SCD5: variants seen among roughly 807,000 people sequenced by gnomAD.
The protein encoded by SCD5 is acyl-CoA-desaturase 4.
In SCD5, 20 loss-of-function variants were observed where a neutral mutation model predicts 30.4. The observed-to-expected ratio is 0.66, with a 90% CI of 0.46 to 0.96. The LOEUF (loss-of-function observed/expected upper bound fraction) is 0.96, where lower values mean the gene tolerates loss of function less well. SCD5 is among the 40% of genes least tolerant of loss of function. The probability of loss-of-function intolerance (pLI) is 0.00; values close to 1 mark genes in which losing one functional copy is unlikely to be tolerated. For missense variants in SCD5, 381 were observed against 443.3 expected (o/e 0.86, Z 1.26); for synonymous variants, 173 against 176.4 (o/e 0.98, Z 0.16).
intron 1 of SCD5, among the ~76,000 whole-genome samples, chr4:82,726,417 C>CAAAA (rs398051208): frequency 3.3e-4 from 36 of 108,780 alleles, no homozygotes; most frequent in African/African-American, 1.0e-3. Context: ...AACTCTGTCT[C>CAAAA]AAAAAAAAAA....
At chr4:82,636,133 A>C (rs1269517431) in intron 4 of SCD5, among the ~76,000 whole-genome samples, 2 of 152,170 alleles carry the variant, frequency 1.3e-5, no homozygotes, top group Admixed American at 6.5e-5. Context: ...ACAGATAGGA[A>C]AACTGTAAAT....
intron 1 of SCD5, among the ~76,000 whole-genome samples, chr4:82,721,665 C>G (rs60096152): frequency 0.023 from 3,464 of 152,212 alleles, 134 homozygotes; most frequent in African/African-American, 0.079. Flanking sequence ...CATCTATAAG[C>G]GAAGGAGAGA....
intron 2 of SCD5, 80 bp downstream of exon 2, chr4:82,705,203 G>T: frequency 6.5e-7 from 1 of 1,547,636 alleles, no homozygotes; most frequent in Non-Finnish European, 8.8e-7. Flanking sequence ...GGGTGGAGGG[G>T]TGTCAGCCCA....
intron 1 of SCD5, among the ~76,000 whole-genome samples, chr4:82,798,086 C>G (rs868809626): frequency 0.013 from 1,653 of 123,016 alleles, 37 homozygotes; most frequent in African/African-American, 0.046. Context: ...GGGGTGGGGG[C>G]GGGGGGGGGG....
intron 1 of SCD5, among the ~76,000 whole-genome samples, chr4:82,796,068 A>G (rs572217803): frequency 6.6e-5 from 10 of 152,052 alleles, no homozygotes; most frequent in East Asian, 3.9e-4. Flanking sequence ...CAGGAGATTG[A>G]GACCATCCTG....
Position 82,798,406 on chromosome 4 carries a change from G to A in SCD5, c.132C>T (p.Asn44=), listed in dbSNP as rs1722276799. 1.2e-6 allele frequency: 2 copies of A among 1,613,454 alleles called. No homozygotes were observed. The highest frequency in any genetic ancestry group is 1.7e-6 in the Non-Finnish European group (2 of 1,179,690). ...ERPGARGQRQ[N]IVWRNVVLMS... is the part of the protein sequence containing the mutation. ...TCAGGACGACATTCCTCCAGACGAT[G>A]TTCTGCCGCTGCCCGCGCGCGCCTG... is the stretch of plus-strand genomic sequence containing the variant. The change falls in exon 1 of 5, where the codon AAC becomes AAT. Residue 44 remains asparagine, a synonymous_variant. Coordinates refer to ENST00000319540, the MANE Select transcript of SCD5 (RefSeq NM_001037582.3).
intron 1 of SCD5, among the ~76,000 whole-genome samples, chr4:82,757,656 C>T (rs1429485162): frequency 1.3e-5 from 2 of 152,178 alleles, no homozygotes; most frequent in South Asian, 4.1e-4. Flanking sequence ...TCCCGGCTCC[C>T]GCACTTACTG....
chr4:82,720,451 A>AAAAAAAAAAAAAAAAAAAAAAAC (rs1720347078), intron 1 of SCD5, among the ~76,000 whole-genome samples: 1 of 147,598 alleles, frequency 6.8e-6, no homozygotes, highest in Non-Finnish European at 1.5e-5. Context: ...TAAAAAAAAA[A>AAAAAAAAAAAAAAAAAAAAAAAC]AAAAAAAAAA....
At chr4:82,691,544 G>C (rs9654217) in intron 2 of SCD5, among the ~76,000 whole-genome samples, 121,588 of 151,998 alleles carry the variant, frequency 0.8, 48,837 homozygotes, top group Middle Eastern at 0.87. Context: ...TCTGGTCTTT[G>C]TGCCTGGTTC....
At chr4:82,707,485 G>A (rs1215677655) in intron 1 of SCD5, among the ~76,000 whole-genome samples, 2 of 152,230 alleles carry the variant, frequency 1.3e-5, no homozygotes, top group Non-Finnish European at 2.9e-5. Context: ...ATGGCCTTGT[G>A]TAGTCTCTTC....
chr4:82,660,741 A>T, intron 3 of SCD5: 6 of 1,485,570 alleles, frequency 4.0e-6, no homozygotes, highest in Non-Finnish European at 5.3e-6. Flanking sequence ...TGAATCAATA[A>T]ATAACCTAAT....
At chr4:82,649,800 C>T (rs903031985) in intron 3 of SCD5, among the ~76,000 whole-genome samples, 1 of 152,178 alleles carries the variant, frequency 6.6e-6, no homozygotes, top group Admixed American at 6.5e-5. Context: ...CCAAATGGGT[C>T]TCCTGTTGAA....
At chr4:82,674,658 C>T (rs970406193) in intron 3 of SCD5, among the ~76,000 whole-genome samples, 23 of 152,146 alleles carry the variant, frequency 1.5e-4, no homozygotes, top group Admixed American at 6.5e-5. Context: ...TATGTCCGCA[C>T]AAAAACCCGC....
intron 1 of SCD5, among the ~76,000 whole-genome samples, chr4:82,754,752 C>T (rs935822481): frequency 5.3e-5 from 8 of 152,208 alleles, no homozygotes; most frequent in African/African-American, 1.9e-4. Context: ...AGTGGGGGAA[C>T]CCATGCCAAT....
chr4:82,781,140 C>T (rs995379149), intron 1 of SCD5, among the ~76,000 whole-genome samples: 8 of 152,140 alleles, frequency 5.3e-5, no homozygotes, highest in Admixed American at 2.6e-4. Context: ...GAGGGCCGGG[C>T]GTGGTGGCTC....
At chr4:82,754,645 G>A (rs759820492) in intron 1 of SCD5, among the ~76,000 whole-genome samples, 13 of 152,184 alleles carry the variant, frequency 8.5e-5, no homozygotes, top group Admixed American at 3.9e-4. Flanking sequence ...CAAGGGAGAC[G>A]ATCTCAGCTC....
chr4:82,772,896 T>C (rs1359827390), intron 1 of SCD5, among the ~76,000 whole-genome samples: 1 of 152,164 alleles, frequency 6.6e-6, no homozygotes, highest in Non-Finnish European at 1.5e-5. Flanking sequence ...GCTCAGTAAT[T>C]ATATGGGTTA....
chr4:82,790,398 C>T (rs1722076628), intron 1 of SCD5, among the ~76,000 whole-genome samples: 1 of 152,166 alleles, frequency 6.6e-6, no homozygotes, highest in Non-Finnish European at 1.5e-5. Flanking sequence ...CCTCTCTCTC[C>T]ACTCTACTCA....
intron 3 of SCD5, among the ~76,000 whole-genome samples, chr4:82,661,802 A>G (rs1391468886): frequency 6.6e-6 from 1 of 152,206 alleles, no homozygotes; most frequent in Non-Finnish European, 1.5e-5. Flanking sequence ...ATGGAGTCAT[A>G]TGTCCTAGCG....
Sources: allele counts gnomAD v4.1 joint callset (sites outside exome capture counted in the v4.1 genomes callset), GRCh38; gene constraint gnomAD v4.1.1; transcripts MANE v1.5; gene names NCBI Gene and HGNC (gene_info 2026-07-23, HGNC 2026-07-21).